Variants in DUXA observed in about 807,000 individuals in gnomAD.
The protein encoded by DUXA is double homeobox A, also known as double homeobox protein A.
Under a neutral mutation model 27.5 loss-of-function variants are expected in DUXA, and 25 were observed. That is an observed-to-expected ratio of 0.91 (90% confidence interval 0.66 to 1.27). The LOEUF (loss-of-function observed/expected upper bound fraction) is 1.27. DUXA is among the 50% of genes most tolerant of loss of function. The probability of loss-of-function intolerance (pLI) is 0.00; values close to 1 mark genes in which losing one functional copy is unlikely to be tolerated. For missense variants in DUXA, 247 were observed against 242.9 expected (o/e 1.02, Z -0.11); for synonymous variants, 90 against 80.5 (o/e 1.12, Z -0.63).
chr19:57,160,577 C>T, intron 2 of DUXA, 66 bp downstream of exon 2: 1 of 1,572,326 alleles, frequency 6.4e-7, no homozygotes, highest in South Asian at 1.2e-5. Context: ...ATAGTATGGG[C>T]TCCGTTAATG....
intron 5 of DUXA, among the ~76,000 whole-genome samples, chr19:57,154,688 C>G (rs1038502421): frequency 6.6e-6 from 1 of 151,904 alleles, no homozygotes; most frequent in Admixed American, 6.6e-5. Context: ...CTCAGCCTCC[C>G]GAGTAGCTGG....
At chr19:57,155,147 G>A (rs774905167) in intron 5 of DUXA, 120 bp downstream of exon 5, 13 of 838,336 alleles carry the variant, frequency 1.6e-5, no homozygotes, top group Non-Finnish European at 2.1e-5. Context: ...TGGTACCGTG[G>A]AGCACTTGAG....
chr19:57,159,288 G>A lies in DUXA; in HGVS notation c.181-10C>T, dbSNP rs776218332. ...GATTCTGAAACCAAATCTAAGTGAG[G>A]AAAAGAAAAGGAGAGAATTACGTGT... On this transcript the variant is annotated splice_polypyrimidine_tract_variant and intron_variant, in intron 2 of 5. Coordinates refer to ENST00000554048, the MANE Select transcript of DUXA (RefSeq NM_001012729.2). The A allele has an allele frequency of 1.2e-6, 2 of 1,609,390 alleles. No homozygotes were observed. The highest frequency in any genetic ancestry group is 1.7e-6 in the Non-Finnish European group (2 of 1,176,896).
At chr19:57,156,855 G>A (rs10411010) in intron 4 of DUXA, among the ~76,000 whole-genome samples, 65,903 of 151,896 alleles carry the variant, frequency 0.43, 15,244 homozygotes, top group Non-Finnish European at 0.53. Context: ...TAGTAGAGAC[G>A]GGGTTTCTCC....
intron 1 of DUXA, among the ~76,000 whole-genome samples, chr19:57,164,460 A>G (rs2087040660): frequency 6.6e-6 from 1 of 152,172 alleles, no homozygotes; most frequent in East Asian, 1.9e-4. Context: ...CTGTAATCCC[A>G]GCAACTTGGG....
Position 57,154,496 on chromosome 19 carries a change from AAGAT to A in DUXA, c.545-18_545-15del, listed in dbSNP as rs1159274900. On this transcript the variant is annotated splice_polypyrimidine_tract_variant and intron_variant, in intron 5 of 5. Transcript: ENST00000554048. ...TATCTTCTGCACCTAAGGAGGAAAA[AAGAT>A]AGAGGAAAGAATGTAAGAGATCAGC... is the stretch of plus-strand genomic sequence containing the variant. 13 of 1,601,766 alleles carry A rather than the reference AAGAT, an allele frequency of 8.1e-6. No individual in the cohort carries two copies. Among genetic ancestry groups the A allele is most frequent in the Non-Finnish European group, 1.1e-5 (13 of 1,168,984 alleles).
intron 1 of DUXA, among the ~76,000 whole-genome samples, chr19:57,166,377 A>T (rs947744135): frequency 6.6e-6 from 1 of 152,164 alleles, no homozygotes; most frequent in African/African-American, 2.4e-5. Flanking sequence ...TGGCATGATC[A>T]CGGCTCACTG....
At chr19:57,159,410 C>G (rs1231903489) in intron 2 of DUXA, 132 bp from the exon 3 acceptor site, 1 of 828,704 alleles carries the variant, frequency 1.2e-6, no homozygotes, top group African/African-American at 1.7e-5. Flanking sequence ...CACATTCTAC[C>G]AAGTCCTTTT....
At chr19:57,166,186 T>C (rs1217714413) in intron 1 of DUXA, among the ~76,000 whole-genome samples, 3 of 151,914 alleles carry the variant, frequency 2.0e-5, no homozygotes, top group African/African-American at 7.3e-5. Flanking sequence ...AAAAAAAGAA[T>C]AAAAGGGAAG....
chr19:57,154,799 G>A (rs981640719), intron 5 of DUXA, among the ~76,000 whole-genome samples: 11 of 152,122 alleles, frequency 7.2e-5, no homozygotes, highest in South Asian at 2.1e-4. Context: ...TCCTGACCTC[G>A]TGATCCGCCC....
At chr19:57,161,763 AAT>A (rs1469035648) in intron 1 of DUXA, among the ~76,000 whole-genome samples, 3 of 152,238 alleles carry the variant, frequency 2.0e-5, no homozygotes, top group Non-Finnish European at 4.4e-5. Flanking sequence ...GAATGCATGC[AAT>A]ATGTCATTGT....
intron 2 of DUXA, 27 bp downstream of exon 2, chr19:57,160,616 T>C: frequency 6.2e-7 from 1 of 1,610,456 alleles, no homozygotes; most frequent in East Asian, 2.2e-5. Context: ...TTACTTCCAG[T>C]CCTGGAGATA....
intron 1 of DUXA, among the ~76,000 whole-genome samples, chr19:57,161,372 C>G (rs1245218463): frequency 7.4e-6 from 1 of 135,386 alleles, no homozygotes; most frequent in Non-Finnish European, 1.5e-5. Flanking sequence ...ACCTGTAATC[C>G]CAGCACTTTG....
intron 1 of DUXA, among the ~76,000 whole-genome samples, chr19:57,161,548 G>A (rs1344539089): frequency 2.6e-4 from 40 of 151,094 alleles, no homozygotes; most frequent in Admixed American, 2.6e-3. Flanking sequence ...GCGTGAACCC[G>A]GGAGGCGGAG....
At position 57,154,225 on chromosome 19, in the gene DUXA, C is replaced by T. The variant is rs935896691; in HGVS notation, c.*187G>A. 8 of 535,542 alleles carry T rather than the reference C, an allele frequency of 1.5e-5. No individual in the cohort carries two copies. The highest frequency in any genetic ancestry group is 2.1e-5 in the South Asian group (1 of 47,972). The allele number at this position is 535,542 out of a possible 1,614,324, so 33.2% of individuals were successfully genotyped here. A position where few individuals can be genotyped will look rare whatever the true frequency, so the allele number is the denominator to read the frequency against. ...CTGGTTTCAAACTCCTGAGCTCAAG[C>T]AATCTTCCTGCCTTGGCCTCCCAAA... is the stretch of plus-strand genomic sequence containing the variant. On this transcript the variant is annotated 3_prime_UTR_variant, in exon 6 of 6. Transcript: ENST00000554048.
intron 1 of DUXA, among the ~76,000 whole-genome samples, chr19:57,161,291 C>T (rs2087019911): frequency 7.6e-6 from 1 of 132,232 alleles, no homozygotes; most frequent in Non-Finnish European, 1.5e-5. Context: ...TGCCATTGCA[C>T]TCCAGCCTGG....
intron 1 of DUXA, among the ~76,000 whole-genome samples, chr19:57,164,500 G>A (rs1178131277): frequency 1.3e-5 from 2 of 152,068 alleles, no homozygotes; most frequent in Non-Finnish European, 2.9e-5. Flanking sequence ...GCTTGAACCC[G>A]GGAGGCAGAG....
Position 57,160,635 on chromosome 19 carries a change from T to C in DUXA, c.180+8A>G, listed in dbSNP as rs200278542. 49 of 1,611,740 alleles carry C rather than the reference T, an allele frequency of 3.0e-5. No homozygotes were observed. The East Asian group carries it at 1.1e-3, about 35-fold the overall frequency. ...TTCCAGTCCTGGAGATATTGAACTT[T>C]AACTTACCTGGATTCTGGACTCTTC... is the stretch of plus-strand genomic sequence containing the variant. On this transcript the variant is annotated splice_region_variant and intron_variant, in intron 2 of 5. Coordinates refer to ENST00000554048, the MANE Select transcript of DUXA (RefSeq NM_001012729.2).
At chr19:57,155,880 G>A (rs893787926) in intron 4 of DUXA, among the ~76,000 whole-genome samples, 1 of 152,002 alleles carries the variant, frequency 6.6e-6, no homozygotes, top group South Asian at 2.1e-4. Context: ...TATTGGCCAG[G>A]CTGGTCTTGA....
Sources: gnomAD v4.1 joint callset for allele counts (sites outside exome capture counted in the v4.1 genomes callset) on GRCh38, gnomAD v4.1.1 for gene constraint, MANE v1.5 for transcripts, NCBI Gene and HGNC (gene_info 2026-07-23, HGNC 2026-07-21) for gene names.